The following TSGA10 variants were observed in gnomAD, a reference collection of about 807,000 sequenced individuals.
The protein encoded by TSGA10 is testis specific 10.
TSGA10 carries 43 observed loss-of-function variants against 96.6 expected under a neutral mutation model. That is an observed-to-expected ratio of 0.44 (90% confidence interval 0.35 to 0.57). The LOEUF (loss-of-function observed/expected upper bound fraction) is 0.57, where lower values mean the gene tolerates loss of function less well. TSGA10 is among the 20% of genes least tolerant of loss of function. The pLI is 0.01. For synonymous variants in TSGA10, 229 were observed against 269.9 expected (o/e 0.85, Z 1.48); for missense variants, 703 against 834.4 (o/e 0.84, Z 1.94).
At chr2:99,106,235 T>C (rs1408258755) in intron 7 of TSGA10, among the ~76,000 whole-genome samples, 2 of 152,146 alleles carry the variant, frequency 1.3e-5, no homozygotes, top group Non-Finnish European at 2.9e-5. Flanking sequence ...AATATCACAG[T>C]TCGCTGCACA....
rs7601041 is a variant in TSGA10, at chr2:99,124,384, T to C, written c.-492+2664A>G. On this transcript the variant is annotated intron_variant, in intron 2 of 20. Coordinates refer to ENST00000393483, the MANE Select transcript of TSGA10 (RefSeq NM_025244.4). ...CTAGATATTAAGCCCTTTTCAGATA[T>C]GTAATTTGGAAATATTTTCTCTCAT... Among the ~76,000 whole-genome samples, 875 of 152,290 alleles carry C rather than the reference T, an allele frequency of 5.7e-3. 9 individuals carry two copies. The highest frequency in any genetic ancestry group is 0.02 in the African/African-American group (841 of 41,556).
At position 99,077,858 on chromosome 2, in the gene TSGA10, G is replaced by A. The variant is rs530955423; in HGVS notation, c.882+801C>T. Among the ~76,000 whole-genome samples, 6 of 151,252 alleles carry A rather than the reference G, an allele frequency of 4.0e-5. No individual in the cohort carries two copies. In the East Asian group the frequency reaches 1.0e-3, roughly 25 times the overall value. Reference sequence around the variant, plus strand: ...ATTACAGGCGTGAGCCACCGCACCCGGCCTGCACGCGGCCGGCAACATCTT... The same window carrying A: ...ATTACAGGCGTGAGCCACCGCACCCAGCCTGCACGCGGCCGGCAACATCTT... On this transcript the variant is annotated intron_variant, in intron 12 of 20. Coordinates refer to ENST00000393483, the MANE Select transcript of TSGA10 (RefSeq NM_025244.4).
intron 20 of TSGA10, among the ~76,000 whole-genome samples, chr2:99,017,157 T>C (rs1447152283): frequency 1.3e-5 from 2 of 152,194 alleles, no homozygotes; most frequent in African/African-American, 4.8e-5. Context: ...CTACTGGGTA[T>C]CTATTCAGAG....
At chr2:99,003,905 G>A (rs940573901) in intron 20 of TSGA10, among the ~76,000 whole-genome samples, 38 of 152,170 alleles carry the variant, frequency 2.5e-4, no homozygotes, top group Non-Finnish European at 5.1e-4. Context: ...AGAAGCAAGA[G>A]CAAACACATT....
chr2:99,140,985 C>T, intron 1 of TSGA10: 1 of 954,378 alleles, frequency 1.0e-6, no homozygotes, highest in South Asian at 1.6e-5. Context: ...GCCACGGCCC[C>T]GCACCCGCCA....
chr2:99,124,348 CT>C (rs1270216190), intron 2 of TSGA10, among the ~76,000 whole-genome samples: 3 of 152,044 alleles, frequency 2.0e-5, no homozygotes, highest in African/African-American at 4.8e-5. Context: ...TGTAGGAGTC[CT>C]TTGTATATTC....
chr2:99,067,633 A>G (rs2085413614), intron 15 of TSGA10, among the ~76,000 whole-genome samples: 1 of 152,154 alleles, frequency 6.6e-6, no homozygotes, highest in African/African-American at 2.4e-5. Flanking sequence ...CAGGTGGATC[A>G]CTTCAGGTCA....
chr2:99,007,319 T>C (rs2078586725), intron 20 of TSGA10, among the ~76,000 whole-genome samples: 1 of 151,824 alleles, frequency 6.6e-6, no homozygotes. Context: ...AGTGTAAATT[T>C]CTCAAAAAAA....
intron 16 of TSGA10, 36 bp from the exon 17 acceptor site, chr2:99,035,475 T>A: frequency 7.2e-7 from 1 of 1,396,054 alleles, no homozygotes; most frequent in Non-Finnish European, 9.7e-7. Flanking sequence ...TATGTATACA[T>A]ATATATTAAA....
Position 99,020,303 on chromosome 2 carries a change from G to A in TSGA10, c.1794C>T (p.His598=). Reference sequence around the variant, plus strand: ...ACATTTTATTTTCTGCCAAACAAAGGTGTTCTTTAAGAAGCTGAATTTCAG... The same window carrying A: ...ACATTTTATTTTCTGCCAAACAAAGATGTTCTTTAAGAAGCTGAATTTCAG... ...KESEIQLLKE[H]LCLAENKMAI... The change falls in exon 18 of 21, where the codon CAC becomes CAT. Residue 598 remains histidine (H), a synonymous_variant. Coordinates refer to ENST00000393483, the MANE Select transcript of TSGA10 (RefSeq NM_025244.4). The A allele has an allele frequency of 1.2e-6, 2 of 1,613,482 alleles. No homozygotes were observed. Among genetic ancestry groups the A allele is most frequent in the Non-Finnish European group, 8.5e-7 (1 of 1,179,642 alleles).
At chr2:99,109,652 T>C in intron 5 of TSGA10, 140 bp from the exon 6 acceptor site, 1 of 540,730 alleles carries the variant, frequency 1.8e-6, no homozygotes, top group East Asian at 4.2e-5. Context: ...CTTAAAAACA[T>C]TTAATTTGGT....
intron 16 of TSGA10, among the ~76,000 whole-genome samples, chr2:99,044,819 TAATAAAC>T (rs995467133): frequency 7.9e-5 from 12 of 152,120 alleles, no homozygotes; most frequent in Non-Finnish European, 1.6e-4. Context: ...ACAGAAATCA[TAATAAAC>T]AGTTTCTCAG....
chr2:99,133,606 G>A (rs1268010568), intron 1 of TSGA10, among the ~76,000 whole-genome samples: 1 of 152,156 alleles, frequency 6.6e-6, no homozygotes, highest in Non-Finnish European at 1.5e-5. Context: ...ATATTGTTAT[G>A]TTTGAATTTG....
intron 7 of TSGA10, among the ~76,000 whole-genome samples, chr2:99,105,916 T>C (rs542250932): frequency 2.0e-5 from 3 of 152,318 alleles, no homozygotes; most frequent in Admixed American, 2.0e-4. Flanking sequence ...AAGTCTAAAA[T>C]AAAATTAATT....
At chr2:99,031,135 A>T in intron 17 of TSGA10, among the ~76,000 whole-genome samples, 1 of 151,990 alleles carries the variant, frequency 6.6e-6, no homozygotes, top group East Asian at 1.9e-4. Context: ...GGAAAGACAG[A>T]TACATAGGTA....
At chr2:99,091,772 C>A (rs1175532228) in intron 10 of TSGA10, among the ~76,000 whole-genome samples, 1 of 151,762 alleles carries the variant, frequency 6.6e-6, no homozygotes, top group Non-Finnish European at 1.5e-5. Flanking sequence ...AAATATAGAA[C>A]AGTTACTACT....
At chr2:99,122,094 C>T (rs1362169800) in intron 2 of TSGA10, among the ~76,000 whole-genome samples, 1 of 152,328 alleles carries the variant, frequency 6.6e-6, no homozygotes, top group East Asian at 1.9e-4. Flanking sequence ...AGGACTATCT[C>T]TAGATTCTCT....
chr2:99,036,798 TA>T (rs1317597554), intron 16 of TSGA10, among the ~76,000 whole-genome samples: 1 of 152,072 alleles, frequency 6.6e-6, no homozygotes, highest in Non-Finnish European at 1.5e-5. Context: ...TTAATGCTAA[TA>T]AAAGGAAAGT....
At chr2:99,036,639 A>G (rs2081653485) in intron 16 of TSGA10, among the ~76,000 whole-genome samples, 1 of 152,174 alleles carries the variant, frequency 6.6e-6, no homozygotes, top group South Asian at 2.1e-4. Context: ...TAAATTAAAG[A>G]TACTTATAAA....
Sources: gnomAD v4.1 joint callset for allele counts (sites outside exome capture counted in the v4.1 genomes callset) on GRCh38, gnomAD v4.1.1 for gene constraint, MANE v1.5 for transcripts, NCBI Gene and HGNC (gene_info 2026-07-23, HGNC 2026-07-21) for gene names.